MTG1: variants seen among roughly 807,000 people sequenced by gnomAD.
MTG1 encodes mitochondrial ribosome associated GTPase 1, also known as mitochondrial ribosome-associated GTPase 1.
MTG1 carries 30 observed loss-of-function variants against 39.5 expected under a neutral mutation model. The observed-to-expected ratio is 0.76, with a 90% confidence interval of 0.57 to 1.03. The LOEUF (loss-of-function observed/expected upper bound fraction) is 1.03. MTG1 is among the 50% of genes least tolerant of loss of function. The pLI, the probability that MTG1 is intolerant of heterozygous loss-of-function variation, is 0.00. For missense variants in MTG1, 513 were observed against 447.4 expected (o/e 1.15, Z -1.32); for synonymous variants, 217 against 179.0 (o/e 1.21, Z -1.69).
chr10:133,402,850 A>C lies in MTG1; in HGVS notation c.752+77A>C. 9.1e-7 allele frequency: 1 copy of C among 1,097,982 alleles called. No individual in the cohort carries two copies. The highest frequency in any genetic ancestry group is 1.5e-5 in the South Asian group (1 of 67,694). 68.0% of individuals were successfully genotyped at this position (1,097,982 alleles called of 1,614,324 possible). A position where few individuals can be genotyped will look rare whatever the true frequency, so the allele number is the denominator to read the frequency against. The stretch of plus-strand genomic sequence containing the variant: ...TTTAAAAAAAAAAAACAAACAAAAA[A>C]ACCCCCAGCATTATAAAGGTATTAT... On this transcript the variant is annotated intron_variant, in intron 9 of 10. Coordinates refer to ENST00000317502, the MANE Select transcript of MTG1 (RefSeq NM_138384.4). This position sits in a 1 kb window ranked among gnomAD's most constrained non-coding sequence, Gnocchi z 4.7.
intron 9 of MTG1, among the ~76,000 whole-genome samples, chr10:133,404,262 G>A (rs55711275): frequency 6.6e-6 from 1 of 150,976 alleles, no homozygotes. Context: ...AAGTAGCTGA[G>A]ACTACAGGCG....
At chr10:133,396,110 A>G in intron 2 of MTG1, 53 bp from the exon 3 acceptor site, 2 of 1,547,982 alleles carry the variant, frequency 1.3e-6, no homozygotes, top group Admixed American at 1.7e-5. Flanking sequence ...GGCAAGAAAA[A>G]AAGTTGGTTG....
chr10:133,397,153 T>C (rs112071726), intron 3 of MTG1, among the ~76,000 whole-genome samples: 14,794 of 152,262 alleles, frequency 0.097, 805 homozygotes, highest in Middle Eastern at 0.17. Flanking sequence ...CCTGGCTCTG[T>C]CTTTTAGATA....
chr10:133,406,845 A>C (rs1311909151), intron 9 of MTG1, among the ~76,000 whole-genome samples: 1 of 151,974 alleles, frequency 6.6e-6, no homozygotes, highest in Non-Finnish European at 1.5e-5. Flanking sequence ...TTGTATTTTT[A>C]GTAGAGATGG....
chr10:133,411,160 C>G (rs1170873515), intron 9 of MTG1, among the ~76,000 whole-genome samples: 1 of 152,076 alleles, frequency 6.6e-6, no homozygotes, highest in African/African-American at 2.4e-5. Flanking sequence ...CTGATGAATT[C>G]CCTCAGCTTT....
intron 9 of MTG1, among the ~76,000 whole-genome samples, chr10:133,404,432 C>T (rs2133500874): frequency 6.6e-6 from 1 of 152,148 alleles, no homozygotes; most frequent in Middle Eastern, 3.4e-3. Flanking sequence ...CAGCCTGTAA[C>T]CTTTTTCTAA....
intron 3 of MTG1, 70 bp from the exon 4 acceptor site, chr10:133,398,365 A>C: frequency 6.7e-7 from 1 of 1,500,470 alleles, no homozygotes; most frequent in South Asian, 1.2e-5. Flanking sequence ...GTGCTACTGC[A>C]CTCCAGCCTG....
intron 3 of MTG1, 28 bp downstream of exon 3, chr10:133,396,295 A>T (rs1849782407): frequency 1.3e-6 from 2 of 1,577,552 alleles, no homozygotes; most frequent in Non-Finnish European, 8.7e-7. Context: ...AGACGCCTTC[A>T]GCAGTGTGGC....
intron 9 of MTG1, 123 bp from the exon 10 acceptor site, chr10:133,419,357 A>G (rs1451730858): frequency 5.7e-6 from 4 of 701,840 alleles, no homozygotes; most frequent in East Asian, 2.8e-5. Flanking sequence ...CGCCGCAGTC[A>G]CTGTCACCCA....
chr10:133,411,668 G>C (rs1421806564), intron 9 of MTG1, among the ~76,000 whole-genome samples: 3 of 151,556 alleles, frequency 2.0e-5, no homozygotes, highest in African/African-American at 7.3e-5. Context: ...TCTTCTATAT[G>C]TTTTCAAATA....
intron 9 of MTG1, among the ~76,000 whole-genome samples, chr10:133,406,634 A>G (rs1035754440): frequency 1.4e-4 from 21 of 148,416 alleles, no homozygotes; most frequent in African/African-American, 5.2e-4. Context: ...TTCTTCTAGC[A>G]GTTTTGAAGT....
In MTG1 at chr10:133,399,510, C is replaced by G. The variant is rs1564818921; in HGVS notation, c.421-19C>G. On this transcript the variant is annotated intron_variant, in intron 5 of 10. Transcript: ENST00000317502. Reference sequence around the variant, plus strand: ...AGCGGCCACGGTGGGCCCTGTGACCCCTCTCTCTGCCTGCGCAGAACCTGG... The same window carrying G: ...AGCGGCCACGGTGGGCCCTGTGACCGCTCTCTCTGCCTGCGCAGAACCTGG... 1 of 1,612,264 alleles carries G rather than the reference C, an allele frequency of 6.2e-7. No individual in the cohort carries two copies. Among genetic ancestry groups the G allele is most frequent in the Non-Finnish European group, 8.5e-7 (1 of 1,178,688 alleles).
intron 6 of MTG1, chr10:133,399,867 G>A: frequency 2.2e-6 from 1 of 461,344 alleles, no homozygotes; most frequent in South Asian, 3.9e-5. Flanking sequence ...ACATGAAGAT[G>A]GCTTTTCTAA....
intron 6 of MTG1, 135 bp from the exon 7 acceptor site, chr10:133,401,394 G>A: frequency 3.0e-6 from 2 of 660,408 alleles, no homozygotes; most frequent in Non-Finnish European, 5.0e-6. Flanking sequence ...CTCCCTGCTT[G>A]GCTGGTAAGT....
Position 133,402,839 on chromosome 10 carries a change from A to T in MTG1, c.752+66A>T. On this transcript the variant is annotated intron_variant, in intron 9 of 10. Coordinates refer to ENST00000317502, the MANE Select transcript of MTG1 (RefSeq NM_138384.4). The surrounding 1 kb of genome is among the most constrained non-coding windows in gnomAD (Gnocchi z 4.7). ...TAGTCACCTCATTTAAAAAAAAAAA[A>T]CAAACAAAAAAACCCCCAGCATTAT... 1 of 1,196,160 alleles carries T rather than the reference A, an allele frequency of 8.4e-7. No homozygotes were observed. The allele number at this position is 1,196,160 out of a possible 1,614,324, so 74.1% of individuals were successfully genotyped here. A position where few individuals can be genotyped will look rare whatever the true frequency, so the allele number is the denominator to read the frequency against.
Position 133,394,314 on chromosome 10 carries a change from C to G in MTG1, c.94C>G (p.Pro32Ala), listed in dbSNP as rs1372152083. 1 of 1,515,176 alleles carries G rather than the reference C, an allele frequency of 6.6e-7. No individual in the cohort carries two copies. The highest frequency in any genetic ancestry group is 1.2e-5 in the South Asian group (1 of 81,730). The allele number at this position is 1,515,176 out of a possible 1,614,324, so 93.9% of individuals were successfully genotyped here. A position where few individuals can be genotyped will look rare whatever the true frequency, so the allele number is the denominator to read the frequency against. ...CGGTCGCGACGTGGCGCGCTGGTTC[C>G]CGGGCCACATGGCCAAGGGTGAGGC... ...LCGRDVARWF[P>A]GHMAKGLKKM... Residue 32 changes from proline to alanine, a missense_variant, in exon 1 of 11, where the codon CCG (proline) becomes GCG (alanine). Physicochemically the swap from Pro to Ala is conservative, Grantham distance 27 (BLOSUM62 -1). Transcript: ENST00000317502.
chr10:133,419,913 G>T, intron 10 of MTG1, 113 bp from the exon 11 acceptor site: 1 of 1,282,452 alleles, frequency 7.8e-7, no homozygotes, highest in Non-Finnish European at 1.1e-6. Flanking sequence ...CCCGTTCCCT[G>T]GGCTTCCCTG....
chr10:133,418,904 T>A (rs1333866800), intron 9 of MTG1, among the ~76,000 whole-genome samples: 1 of 152,100 alleles, frequency 6.6e-6, no homozygotes, highest in East Asian at 1.9e-4. Context: ...GGAGTCAGAG[T>A]GCCCGTTACA....
At chr10:133,396,589 G>C (rs1264783565) in intron 3 of MTG1, among the ~76,000 whole-genome samples, 1 of 152,190 alleles carries the variant, frequency 6.6e-6, no homozygotes, top group African/African-American at 2.4e-5. Context: ...GCAAGAGACC[G>C]AGGACACGAG....
Sources: gnomAD v4.1 joint callset for allele counts (sites outside exome capture counted in the v4.1 genomes callset) on GRCh38, gnomAD v4.1.1 for gene constraint, Gnocchi (gnomAD v3.1) non-coding constraint, MANE v1.5 for transcripts, NCBI Gene and HGNC (gene_info 2026-07-23, HGNC 2026-07-21) for gene names.